PAIP2B: variants seen among roughly 807,000 people sequenced by gnomAD.
PAIP2B encodes the protein polyadenylate-binding protein-interacting protein 2B.
Under a neutral mutation model 17.0 loss-of-function variants are expected in PAIP2B, and 13 were observed. That is an observed-to-expected ratio of 0.76 (90% CI 0.50 to 1.22). PAIP2B has a LOEUF of 1.22. PAIP2B is among the 50% of genes most tolerant of loss of function. PAIP2B has a pLI of 0.00. For synonymous variants in PAIP2B, 43 were observed against 48.7 expected (o/e 0.88, Z 0.48); for missense variants, 117 against 144.5 (o/e 0.81, Z 0.98).
chr2:71,212,257 TC>T (rs1450581751), intron 1 of PAIP2B, among the ~76,000 whole-genome samples: 10 of 152,216 alleles, frequency 6.6e-5, no homozygotes, highest in African/African-American at 2.4e-4. Context: ...CCTAAGGTCT[TC>T]CCCATCTTCA....
intron 1 of PAIP2B, among the ~76,000 whole-genome samples, chr2:71,208,268 A>G (rs1390714929): frequency 6.6e-6 from 1 of 152,166 alleles, no homozygotes; most frequent in African/African-American, 2.4e-5. Context: ...TACTAAAAAT[A>G]CAAAAATTAG....
intron 1 of PAIP2B, among the ~76,000 whole-genome samples, chr2:71,206,608 G>C (rs1203618625): frequency 6.6e-6 from 1 of 152,144 alleles, no homozygotes; most frequent in African/African-American, 2.4e-5. Flanking sequence ...ATGTATCTAG[G>C]ATATTTCAAG....
At chr2:71,209,032 C>T (rs1470718271) in intron 1 of PAIP2B, among the ~76,000 whole-genome samples, 1 of 152,140 alleles carries the variant, frequency 6.6e-6, no homozygotes, top group East Asian at 1.9e-4. Flanking sequence ...AATCCAATTC[C>T]AGTAAAGTAG....
At chr2:71,208,929 A>C (rs766051625) in intron 1 of PAIP2B, among the ~76,000 whole-genome samples, 2 of 152,176 alleles carry the variant, frequency 1.3e-5, no homozygotes, top group Non-Finnish European at 2.9e-5. Flanking sequence ...TGATGCCTTG[A>C]CTTTGGACTT....
intron 2 of PAIP2B, among the ~76,000 whole-genome samples, chr2:71,194,805 C>G (rs376218934): frequency 6.6e-6 from 1 of 152,182 alleles, no homozygotes; most frequent in East Asian, 1.9e-4. Context: ...TGTCTTGTAC[C>G]GGTTTTCAAG....
intron 1 of PAIP2B, among the ~76,000 whole-genome samples, chr2:71,209,190 G>A (rs1051201195): frequency 1.3e-5 from 2 of 152,200 alleles, no homozygotes; most frequent in African/African-American, 2.4e-5. Flanking sequence ...AGGCTGAATC[G>A]TAGGTGATAC....
chr2:71,214,658 T>C (rs1281739602), intron 1 of PAIP2B, among the ~76,000 whole-genome samples: 1 of 152,200 alleles, frequency 6.6e-6, no homozygotes. Context: ...TATACAGCCT[T>C]TATCTACCCA....
intron 1 of PAIP2B, among the ~76,000 whole-genome samples, chr2:71,218,909 CTTTT>C (rs1203229849): frequency 3.4e-5 from 5 of 146,864 alleles, no homozygotes; most frequent in Non-Finnish European, 3.0e-5. Flanking sequence ...AAAGGTTTTT[CTTTT>C]TTTTTCTTTT....
intron 1 of PAIP2B, among the ~76,000 whole-genome samples, chr2:71,222,930 G>A (rs527485876): frequency 6.6e-6 from 1 of 152,328 alleles, no homozygotes; most frequent in Admixed American, 6.5e-5. Flanking sequence ...AAAAGGAAAT[G>A]TTCTGGAAGT....
chr2:71,189,754 T>C (rs1388212002), intron 3 of PAIP2B, 91 bp downstream of exon 3: 7 of 1,267,946 alleles, frequency 5.5e-6, no homozygotes, highest in South Asian at 3.2e-5. Flanking sequence ...TCCAGACTTG[T>C]TGAGGGTTGT....
rs551070089 is a variant in PAIP2B, at chr2:71,222,212, T to A, written c.-12+4716A>T. Reference sequence around the variant, plus strand: ...GAACCAACTCCAGACACAATACAACTATTGTGTGACTGTGGCATACACAAA... The same window carrying A: ...GAACCAACTCCAGACACAATACAACAATTGTGTGACTGTGGCATACACAAA... On this transcript the variant is annotated intron_variant, in intron 1 of 3. Transcript: ENST00000244221. 3.3e-5 allele frequency among the ~76,000 whole-genome samples: 5 copies of A among 152,226 alleles called. 1 individual carries two copies. The East Asian group carries it at 9.7e-4, about 29-fold the overall frequency.
intron 2 of PAIP2B, among the ~76,000 whole-genome samples, chr2:71,201,300 G>T (rs1423881374): frequency 6.6e-6 from 1 of 151,938 alleles, no homozygotes; most frequent in Non-Finnish European, 1.5e-5. Context: ...AAGGAAGAGT[G>T]AAACCATTAG....
chr2:71,190,642 C>A (rs893565738), intron 2 of PAIP2B, among the ~76,000 whole-genome samples: 9 of 152,162 alleles, frequency 5.9e-5, no homozygotes, highest in African/African-American at 9.7e-5. Context: ...ATAGGTGATA[C>A]AGATATCATG....
Position 71,216,076 on chromosome 2 carries a change from A to G in PAIP2B, c.-12+10852T>C, listed in dbSNP as rs116754221. ...TTATCCAACATTCCAATAAGATAAAATAATCATAGTGATTTTTCTTTTTTG... is the reference window on the plus strand; with the variant it reads ...TTATCCAACATTCCAATAAGATAAAGTAATCATAGTGATTTTTCTTTTTTG... On this transcript the variant is annotated intron_variant, in intron 1 of 3. Transcript: ENST00000244221. Among the ~76,000 whole-genome samples, 1,115 of 152,364 alleles carry G rather than the reference A, an allele frequency of 7.3e-3. 19 individuals are homozygous for G. The highest frequency in any genetic ancestry group is 0.025 in the African/African-American group (1,046 of 41,588).
chr2:71,212,455 G>A (rs1269059452), intron 1 of PAIP2B, among the ~76,000 whole-genome samples: 1 of 152,148 alleles, frequency 6.6e-6, no homozygotes, highest in African/African-American at 2.4e-5. Context: ...TTAGAACGCT[G>A]TATTCTAAAT....
At chr2:71,194,851 G>A (rs1055585876) in intron 2 of PAIP2B, among the ~76,000 whole-genome samples, 2 of 152,140 alleles carry the variant, frequency 1.3e-5, no homozygotes, top group African/African-American at 2.4e-5. Flanking sequence ...TCAGTATAAC[G>A]TTGGCTGTGG....
intron 2 of PAIP2B, among the ~76,000 whole-genome samples, chr2:71,196,975 A>G (rs1383750209): frequency 6.6e-6 from 1 of 151,832 alleles, no homozygotes; most frequent in African/African-American, 2.4e-5. Context: ...CCAGCTTGCC[A>G]CTCTGTGCCT....
intron 2 of PAIP2B, among the ~76,000 whole-genome samples, chr2:71,196,903 G>C (rs1191213285): frequency 6.6e-6 from 1 of 152,106 alleles, no homozygotes; most frequent in Non-Finnish European, 1.5e-5. Flanking sequence ...GAGCCTATGA[G>C]TGTCATTATG....
intron 2 of PAIP2B, among the ~76,000 whole-genome samples, chr2:71,195,225 G>T (rs531944868): frequency 2.6e-5 from 4 of 152,324 alleles, no homozygotes; most frequent in African/African-American, 7.2e-5. Context: ...TCAGGATGAT[G>T]CTGGCCTTGT....
Sources: allele counts gnomAD v4.1 joint callset (sites outside exome capture counted in the v4.1 genomes callset), GRCh38; gene constraint gnomAD v4.1.1; transcripts MANE v1.5; gene names NCBI Gene and HGNC (gene_info 2026-07-23, HGNC 2026-07-21).